The following EBAG9 variants were observed in gnomAD, a reference collection of about 807,000 sequenced individuals.
EBAG9 encodes receptor-binding cancer antigen expressed on SiSo cells.
EBAG9 carries 16 observed loss-of-function variants against 30.9 expected under a neutral mutation model. That is an observed-to-expected ratio of 0.52 (90% CI 0.35 to 0.79). EBAG9 has a LOEUF of 0.79. EBAG9 is among the 30% of genes least tolerant of loss of function. The pLI is 0.01. For missense variants in EBAG9, 197 were observed against 242.1 expected (o/e 0.81, Z 1.24); for synonymous variants, 93 against 82.8 (o/e 1.12, Z -0.67).
At chr8:109,555,584 C>T (rs1249596219) in intron 4 of EBAG9, among the ~76,000 whole-genome samples, 3 of 152,096 alleles carry the variant, frequency 2.0e-5, no homozygotes, top group African/African-American at 7.2e-5. Flanking sequence ...GATAAGAGTT[C>T]TAACAAGTTT....
At chr8:109,558,221 A>G (rs1012386829) in intron 5 of EBAG9, among the ~76,000 whole-genome samples, 7 of 152,178 alleles carry the variant, frequency 4.6e-5, no homozygotes, top group African/African-American at 1.7e-4. Flanking sequence ...TTTTTAATTC[A>G]TTGAGTAAAA....
intron 5 of EBAG9, among the ~76,000 whole-genome samples, chr8:109,559,815 TA>T (rs879895526): frequency 1.3e-3 from 189 of 142,222 alleles, no homozygotes; most frequent in Admixed American, 2.5e-3. Context: ...CGCTGATTCC[TA>T]AAAAAAAAAA....
intron 4 of EBAG9, among the ~76,000 whole-genome samples, chr8:109,556,668 A>C (rs1821603388): frequency 6.6e-6 from 1 of 152,088 alleles, no homozygotes; most frequent in Non-Finnish European, 1.5e-5. Flanking sequence ...GTGATTGATT[A>C]TATTTTGAGG....
chr8:109,554,222 A>G (rs1821551707), intron 3 of EBAG9, among the ~76,000 whole-genome samples: 2 of 152,194 alleles, frequency 1.3e-5, no homozygotes, highest in Non-Finnish European at 1.5e-5. Flanking sequence ...GAGAATTCCA[A>G]CATATCATTT....
At chr8:109,553,736 T>TA (rs1480334051) in intron 2 of EBAG9, 129 bp from the exon 3 acceptor site, 10 of 680,250 alleles carry the variant, frequency 1.5e-5, no homozygotes, top group Non-Finnish European at 2.4e-5. Flanking sequence ...GAGTAACTGT[T>TA]ACTAAAATCA....
chr8:109,559,266 A>G (rs1586694240), intron 5 of EBAG9, among the ~76,000 whole-genome samples: 1 of 152,042 alleles, frequency 6.6e-6, no homozygotes, highest in South Asian at 2.1e-4. Context: ...AGACCAGCCT[A>G]GGCAACATGG....
intron 6 of EBAG9, among the ~76,000 whole-genome samples, chr8:109,561,138 A>C (rs1474929750): frequency 2.0e-5 from 3 of 151,682 alleles, no homozygotes; most frequent in Admixed American, 1.3e-4. Context: ...TTTAAGCTCT[A>C]TAGGAACAAA....
At position 109,564,720 on chromosome 8, in the gene EBAG9, C is replaced by A; in HGVS notation, c.*161C>A. 9.9e-7 allele frequency: 1 copy of A among 1,007,140 alleles called. No homozygotes were observed. Among genetic ancestry groups the A allele is most frequent in the Non-Finnish European group, 1.4e-6 (1 of 711,736 alleles). 62.4% of individuals were successfully genotyped at this position (1,007,140 alleles called of 1,614,324 possible). A position where few individuals can be genotyped will look rare whatever the true frequency, so the allele number is the denominator to read the frequency against. On this transcript the variant is annotated 3_prime_UTR_variant, in exon 7 of 7. Transcript: ENST00000337573. ...CACGATTCTCCCAAAGTACCTTGAACTCTTAGTGATTGAGACTCAAAAAAA... is the reference window on the plus strand; with the variant it reads ...CACGATTCTCCCAAAGTACCTTGAAATCTTAGTGATTGAGACTCAAAAAAA...
chr8:109,546,948 C>G (rs1365325583), intron 1 of EBAG9, among the ~76,000 whole-genome samples: 1 of 152,110 alleles, frequency 6.6e-6, no homozygotes, highest in Non-Finnish European at 1.5e-5. Flanking sequence ...TGTTGATATA[C>G]ATTTGTGTTG....
At position 109,557,677 on chromosome 8, in the gene EBAG9, A is replaced by G. The variant is rs551833805; in HGVS notation, c.429+635A>G. The G allele has an allele frequency of 4.8e-4, 218 of 456,104 alleles. 3 individuals carry two copies. Among genetic ancestry groups the G allele is most frequent in the African/African-American group, 4.1e-3 (204 of 50,194 alleles). The allele number at this position is 456,104 out of a possible 1,614,324, so 28.3% of individuals were successfully genotyped here. ...GTAACACAGTTTCTGTGGATTGGGA[A>G]TCCAGGTGACTAAACTGGGTGGTTC... On this transcript the variant is annotated intron_variant, in intron 5 of 6. Transcript: ENST00000337573.
rs1397147305 is a variant in EBAG9, at chr8:109,553,765, AAGAT to A, written c.84-99_84-96del. ...AAAATCAATAATCATAAAATTGAGA[AAGAT>A]CTTGTTTTATAAGCCTTCAATTACC... On this transcript the variant is annotated intron_variant, in intron 2 of 6. Transcript: ENST00000337573. The A allele has an allele frequency of 5.8e-6, 5 of 865,104 alleles. No homozygotes were observed. In the African/African-American group the frequency reaches 9.0e-5, roughly 15 times the overall value. The allele number at this position is 865,104 out of a possible 1,614,324, so 53.6% of individuals were successfully genotyped here.
intron 1 of EBAG9, among the ~76,000 whole-genome samples, chr8:109,545,375 T>C (rs867500262): frequency 1.3e-5 from 2 of 151,584 alleles, no homozygotes; most frequent in African/African-American, 4.8e-5. Context: ...TTACCTTTTT[T>C]TTTTTTGAAA....
In EBAG9 at chr8:109,564,574, T is replaced by G. The variant is rs1272425504; in HGVS notation, c.*15T>G. The G allele has an allele frequency of 6.2e-7, 1 of 1,610,488 alleles. No homozygotes were observed. Among genetic ancestry groups the G allele is most frequent in the Non-Finnish European group, 8.5e-7 (1 of 1,177,728 alleles). ...AACTTTCATAACACATGTTCAAATTTTATCATGCCAGTAGGAGAAATCTCA... is the reference window on the plus strand; with the variant it reads ...AACTTTCATAACACATGTTCAAATTGTATCATGCCAGTAGGAGAAATCTCA... On this transcript the variant is annotated 3_prime_UTR_variant, in exon 7 of 7. Coordinates refer to ENST00000337573, the MANE Select transcript of EBAG9 (RefSeq NM_004215.5).
intron 5 of EBAG9, among the ~76,000 whole-genome samples, chr8:109,559,384 A>G (rs1821667103): frequency 6.6e-6 from 1 of 152,166 alleles, no homozygotes; most frequent in African/African-American, 2.4e-5. Context: ...CTTGAACCCA[A>G]GAGGTCGAGG....
At chr8:109,563,902 A>C (rs1204806630) in intron 6 of EBAG9, among the ~76,000 whole-genome samples, 1 of 152,052 alleles carries the variant, frequency 6.6e-6, no homozygotes, top group Non-Finnish European at 1.5e-5. Flanking sequence ...GTTAATCCTG[A>C]AATTTACTTG....
At chr8:109,548,745 C>T (rs1821433643) in intron 1 of EBAG9, among the ~76,000 whole-genome samples, 1 of 151,858 alleles carries the variant, frequency 6.6e-6, no homozygotes, top group African/African-American at 2.4e-5. Context: ...TTTAACGTTT[C>T]AATTTCTTAT....
chr8:109,544,522 A>C (rs1821344971), intron 1 of EBAG9, among the ~76,000 whole-genome samples: 1 of 152,208 alleles, frequency 6.6e-6, no homozygotes, highest in African/African-American at 2.4e-5. Flanking sequence ...CTCATTTAGA[A>C]AATTTAAGAA....
At chr8:109,541,463 A>G (rs1821275025) in intron 1 of EBAG9, among the ~76,000 whole-genome samples, 1 of 152,202 alleles carries the variant, frequency 6.6e-6, no homozygotes, top group African/African-American at 2.4e-5. Flanking sequence ...AAACGGGAGT[A>G]GTGAAAAACC....
At chr8:109,550,952 G>T in intron 2 of EBAG9, 45 bp downstream of exon 2, 1 of 1,335,276 alleles carries the variant, frequency 7.5e-7, no homozygotes. Flanking sequence ...TCTCCTCGCT[G>T]GTTTTGGATA....
Sources: gnomAD v4.1 joint callset for allele counts (sites outside exome capture counted in the v4.1 genomes callset) on GRCh38, gnomAD v4.1.1 for gene constraint, MANE v1.5 for transcripts, NCBI Gene and HGNC (gene_info 2026-07-23, HGNC 2026-07-21) for gene names.